Variants in GABPB2 observed in about 807,000 individuals in gnomAD.
The protein encoded by GABPB2 is GA-binding protein subunit beta-2.
In GABPB2, 23 loss-of-function variants were observed where a neutral mutation model predicts 39.1. The observed-to-expected ratio is 0.59, with a 90% confidence interval of 0.42 to 0.83. The LOEUF is 0.83. Among genes scored for constraint, GABPB2 ranks in the 40% least tolerant of loss-of-function variants. The pLI is 0.00. For missense variants in GABPB2, 467 were observed against 541.1 expected (o/e 0.86, Z 1.36); for synonymous variants, 184 against 199.3 (o/e 0.92, Z 0.65).
chr1:151,073,644 C>T (rs115077512), intron 1 of GABPB2, among the ~76,000 whole-genome samples: 1,654 of 152,130 alleles, frequency 0.011, 43 homozygotes, highest in African/African-American at 0.038. Flanking sequence ...AAAGGAAGGC[C>T]GGCGCGGTGG....
At chr1:151,081,793 C>T (rs587665167) in intron 1 of GABPB2, among the ~76,000 whole-genome samples, 2 of 152,030 alleles carry the variant, frequency 1.3e-5, no homozygotes, top group South Asian at 4.2e-4. Flanking sequence ...CACCACCATG[C>T]CCAGCTAATT....
At chr1:151,071,773 C>T (rs1034646879) in intron 1 of GABPB2, among the ~76,000 whole-genome samples, 1 of 152,134 alleles carries the variant, frequency 6.6e-6, no homozygotes, top group African/African-American at 2.4e-5. Context: ...CTCCCGGCCT[C>T]GCCTCTGCTT....
chr1:151,096,428 A>AAGAG (rs752864004), intron 4 of GABPB2, among the ~76,000 whole-genome samples: 2 of 150,840 alleles, frequency 1.3e-5, no homozygotes. Context: ...AAAAAATAAA[A>AAGAG]AGAGAGAGAG....
In GABPB2 at chr1:151,118,402, C is replaced by T; in HGVS notation, c.*146C>T. 1.4e-6 allele frequency: 1 copy of T among 729,542 alleles called. No homozygotes were observed. The highest frequency in any genetic ancestry group is 2.1e-6 in the Non-Finnish European group (1 of 471,326). The allele number at this position is 729,542 out of a possible 1,614,324, so 45.2% of individuals were successfully genotyped here. A position where few individuals can be genotyped will look rare whatever the true frequency, so the allele number is the denominator to read the frequency against. ...TACAATGCTTGGGCTCAGGAAGTTT[C>T]TCTGTGCAACTAGAAAATTCAAAGC... On this transcript the variant is annotated 3_prime_UTR_variant, in exon 9 of 9. Coordinates refer to ENST00000368918, the MANE Select transcript of GABPB2 (RefSeq NM_144618.3).
intron 1 of GABPB2, among the ~76,000 whole-genome samples, chr1:151,086,052 C>T (rs749190500): frequency 6.6e-6 from 1 of 152,014 alleles, no homozygotes; most frequent in Non-Finnish European, 1.5e-5. Flanking sequence ...TGAGAACAGC[C>T]TGAACAATAT....
chr1:151,081,917 G>A (rs587717524), intron 1 of GABPB2, among the ~76,000 whole-genome samples: 4 of 152,070 alleles, frequency 2.6e-5, no homozygotes, highest in South Asian at 2.1e-4. Flanking sequence ...GTTTACAGGC[G>A]TGAGCCACCG....
At chr1:151,075,293 G>A (rs1045771234) in intron 1 of GABPB2, among the ~76,000 whole-genome samples, 3 of 151,696 alleles carry the variant, frequency 2.0e-5, no homozygotes, top group African/African-American at 4.8e-5. Context: ...GGCCGGGCAC[G>A]GTGGCTCATG....
chr1:151,107,189 C>A lies in GABPB2; in HGVS notation c.889C>A (p.Pro297Thr). The stretch of plus-strand genomic sequence containing the variant: ...AATCCCTACTGGAGGCATTGGCCAG[C>A]CATTTATTGTAACTGTGCAAGATGG... Reference protein sequence around the residue: ...TSIPTGGIGQPFIVTVQDGQQ... With the variant: ...TSIPTGGIGQTFIVTVQDGQQ... The change falls in exon 7 of 9, where the codon CCA (proline) becomes ACA (threonine). Residue 297 changes from proline to threonine, a missense_variant. Pro to Thr is a conservative substitution (Grantham distance 38). Transcript: ENST00000368918. The A allele has an allele frequency of 6.3e-7, 1 of 1,598,786 alleles. No individual in the cohort carries two copies. The highest frequency in any genetic ancestry group is 8.5e-7 in the Non-Finnish European group (1 of 1,174,768).
At chr1:151,109,540 T>C (rs1261689206) in intron 7 of GABPB2, among the ~76,000 whole-genome samples, 1 of 151,050 alleles carries the variant, frequency 6.6e-6, no homozygotes, top group African/African-American at 2.4e-5. Context: ...TTTGTATTTT[T>C]AGTAGAGACG....
chr1:151,086,637 G>C (rs977182949), intron 1 of GABPB2, among the ~76,000 whole-genome samples: 6 of 151,742 alleles, frequency 4.0e-5, no homozygotes, highest in African/African-American at 1.4e-4. Flanking sequence ...GGCCTAACGA[G>C]ATCAGTGTTT....
intron 1 of GABPB2, among the ~76,000 whole-genome samples, chr1:151,086,744 TG>T (rs1273399861): frequency 6.6e-6 from 1 of 152,062 alleles, no homozygotes; most frequent in Non-Finnish European, 1.5e-5. Flanking sequence ...CTCAGCTCAC[TG>T]CAACCTCCAC....
intron 1 of GABPB2, among the ~76,000 whole-genome samples, chr1:151,077,511 C>T (rs966544246): frequency 6.6e-6 from 1 of 151,934 alleles, no homozygotes; most frequent in Admixed American, 6.6e-5. Flanking sequence ...CATGCAACAC[C>T]ACGCCCAGCT....
intron 1 of GABPB2, among the ~76,000 whole-genome samples, chr1:151,073,597 GTTTTA>G (rs1277055272): frequency 6.6e-6 from 1 of 151,986 alleles, no homozygotes. Flanking sequence ...GTTTTGTTTT[GTTTTA>G]TTTTAAGTGA....
At chr1:151,090,906 G>A (rs587671295) in intron 3 of GABPB2, among the ~76,000 whole-genome samples, 195 of 151,866 alleles carry the variant, frequency 1.3e-3, no homozygotes, top group African/African-American at 4.6e-3. Flanking sequence ...GCTGAGGCAG[G>A]AGAATCGCTT....
chr1:151,106,825 C>T (rs142845125), intron 6 of GABPB2, among the ~76,000 whole-genome samples: 3 of 152,250 alleles, frequency 2.0e-5, no homozygotes, highest in African/African-American at 7.2e-5. Context: ...CCTCAGTGAA[C>T]ACATTTTACA....
In GABPB2 at chr1:151,117,280, C is replaced by T. The variant is rs747360509; in HGVS notation, c.923-112C>T. 3.5e-6 allele frequency: 4 copies of T among 1,159,284 alleles called. No individual in the cohort carries two copies. The East Asian group carries it at 7.2e-5, about 21-fold the overall frequency. The allele number at this position is 1,159,284 out of a possible 1,614,324, so 71.8% of individuals were successfully genotyped here. On this transcript the variant is annotated intron_variant, in intron 7 of 8. Transcript: ENST00000368918. Reference sequence around the variant, plus strand: ...AGTAGCTAGGACCACAGGCACACACCACTGTACCCAACCTAGAATATATTT... The same window carrying T: ...AGTAGCTAGGACCACAGGCACACACTACTGTACCCAACCTAGAATATATTT...
intron 7 of GABPB2, among the ~76,000 whole-genome samples, chr1:151,116,519 A>G (rs1330931620): frequency 6.6e-6 from 1 of 152,162 alleles, no homozygotes; most frequent in Non-Finnish European, 1.5e-5. Context: ...ATTTAGGTAC[A>G]GATAATGGCT....
chr1:151,107,587 C>T (rs1178858500), intron 7 of GABPB2, among the ~76,000 whole-genome samples: 11 of 151,800 alleles, frequency 7.2e-5, no homozygotes, highest in Admixed American at 4.6e-4. Context: ...CTGCAGGCTC[C>T]GCCTCCTGGG....
intron 1 of GABPB2, among the ~76,000 whole-genome samples, chr1:151,078,547 C>T (rs1198267103): frequency 4.6e-5 from 7 of 151,600 alleles, no homozygotes; most frequent in Admixed American, 6.6e-5. Context: ...GAGCCGAGAT[C>T]GCGCCACTGC....
Sources: gnomAD v4.1 joint callset for allele counts (sites outside exome capture counted in the v4.1 genomes callset) on GRCh38, gnomAD v4.1.1 for gene constraint, MANE v1.5 for transcripts, NCBI Gene and HGNC (gene_info 2026-07-23, HGNC 2026-07-21) for gene names.